Variants in CHEK2 observed in about 807,000 individuals in gnomAD.
The protein encoded by CHEK2 is serine/threonine-protein kinase Chk2.
Under a neutral mutation model 69.1 loss-of-function variants are expected in CHEK2, and 71 were observed. The ratio of observed to expected loss-of-function variants is 1.03; its 90% confidence interval spans 0.85 to 1.25. The LOEUF (loss-of-function observed/expected upper bound fraction) is 1.25. Among genes scored for constraint, CHEK2 ranks in the 50% most tolerant of loss-of-function variants. CHEK2 has a pLI of 0.00. For synonymous variants in CHEK2, 189 were observed against 226.9 expected (o/e 0.83, Z 1.50); for missense variants, 664 against 649.6 (o/e 1.02, Z -0.24).
chr22:28,703,682 C>A, intron 7 of CHEK2, 116 bp from the exon 8 acceptor site: 1 of 701,228 alleles, frequency 1.4e-6, no homozygotes, highest in East Asian at 2.7e-5. Context: ...CATCTGGCCC[C>A]CTGCCTCAGA....
intron 4 of CHEK2, 40 bp from the exon 5 acceptor site, chr22:28,719,525 T>C (rs1398943200): frequency 1.7e-6 from 2 of 1,182,228 alleles, no homozygotes; most frequent in Non-Finnish European, 2.5e-6. Context: ...CATTAATTTA[T>C]TCACAAGAGG....
chr22:28,705,309 C>A (rs912922027), intron 7 of CHEK2, among the ~76,000 whole-genome samples: 4 of 151,622 alleles, frequency 2.6e-5, no homozygotes, highest in Admixed American at 1.3e-4. Flanking sequence ...GAACTCCTGA[C>A]CTCGTGATCC....
rs755305843 is a variant in CHEK2, at chr22:28,730,457, T to C, written c.319+3946A>G. ...CTGGCCGGGGATGGTGCCTCACACC[T>C]CTTATCCCAGCACTTTGGGAGGCTG... On this transcript the variant is annotated intron_variant, in intron 2 of 14. Transcript: ENST00000404276. The C allele has an allele frequency of 2.0e-5, 14 of 697,410 alleles. No individual in the cohort carries two copies. The South Asian group carries it at 2.1e-4, about 10-fold the overall frequency. The allele number at this position is 697,410 out of a possible 1,614,324, so 43.2% of individuals were successfully genotyped here. A position where few individuals can be genotyped will look rare whatever the true frequency, so the allele number is the denominator to read the frequency against.
At chr22:28,700,990 T>C (rs1302973594) in intron 8 of CHEK2, among the ~76,000 whole-genome samples, 1 of 152,050 alleles carries the variant, frequency 6.6e-6, no homozygotes, top group Non-Finnish European at 1.5e-5. Flanking sequence ...GGTTTCTCCA[T>C]GTTGGTCAGG....
intron 13 of CHEK2, among the ~76,000 whole-genome samples, chr22:28,689,713 C>G (rs954960012): frequency 6.6e-6 from 1 of 152,168 alleles, no homozygotes; most frequent in Non-Finnish European, 1.5e-5. Flanking sequence ...TACTTAAGCC[C>G]ACAGTATCCC....
chr22:28,725,976 G>A (rs1300549121), intron 2 of CHEK2, among the ~76,000 whole-genome samples: 1 of 151,156 alleles, frequency 6.6e-6, no homozygotes, highest in East Asian at 1.9e-4. Context: ...AGGCTGAGAC[G>A]AATGGATCAC....
chr22:28,693,588 A>G (rs568742442), intron 13 of CHEK2, among the ~76,000 whole-genome samples: 45 of 152,342 alleles, frequency 3.0e-4, no homozygotes, highest in Admixed American at 2.4e-3. Context: ...GACTCGGGGC[A>G]GCCAAGTGGA....
At chr22:28,700,611 C>T (rs535188639) in intron 8 of CHEK2, among the ~76,000 whole-genome samples, 14 of 152,130 alleles carry the variant, frequency 9.2e-5, no homozygotes, top group South Asian at 2.1e-4. Flanking sequence ...GATCTGAACC[C>T]TAACTCTACC....
intron 13 of CHEK2, 104 bp from the exon 14 acceptor site, chr22:28,689,319 G>A (rs905509335): frequency 2.2e-5 from 19 of 859,326 alleles, no homozygotes; most frequent in Non-Finnish European, 3.5e-5. Flanking sequence ...AAAAATGTCC[G>A]TCCAAGAATC....
chr22:28,725,823 C>T (rs1254640025), intron 2 of CHEK2, among the ~76,000 whole-genome samples: 2 of 151,568 alleles, frequency 1.3e-5, no homozygotes, highest in African/African-American at 4.8e-5. Flanking sequence ...GTGGGAGGAT[C>T]GCTTGAGCCC....
intron 8 of CHEK2, 23 bp from the exon 9 acceptor site, chr22:28,699,960 G>T: frequency 6.4e-7 from 1 of 1,563,868 alleles, no homozygotes; most frequent in Non-Finnish European, 8.8e-7. Flanking sequence ...GGCAAGGCAA[G>T]GGGTTCATTC....
intron 9 of CHEK2, among the ~76,000 whole-genome samples, chr22:28,699,362 CTTTTTT>C (rs67508991): frequency 1.9e-4 from 15 of 78,044 alleles, no homozygotes; most frequent in East Asian, 4.4e-4. Context: ...AGAGCTTTTT[CTTTTTT>C]TTTTTTTTTT....
At position 28,712,010 on chromosome 22, in the gene CHEK2, A is replaced by G. The variant is rs2053418354; in HGVS notation, c.691T>C (p.Cys231Arg). The G allele has an allele frequency of 6.2e-7, 1 of 1,611,714 alleles. No individual in the cohort carries two copies. The change falls in exon 6 of 15, where the codon TGT (cysteine) becomes CGT (arginine). Residue 231 changes from cysteine (C) to arginine (R), a missense_variant. Transcript: ENST00000404276. ...TCGAAAGCCAGCTTTACCTCTCCAC[A>G]GGCACCACTAGAGGGAAAAACAAAG... Reference protein sequence around the residue: ...IMSKTLGSGACGEVKLAFERK... With the variant: ...IMSKTLGSGARGEVKLAFERK...
rs1168174135 is a variant in CHEK2, at chr22:28,691,857, C to T, written c.1461+2175G>A. 2.0e-5 allele frequency among the ~76,000 whole-genome samples: 3 copies of T among 152,340 alleles called. No individual in the cohort carries two copies. The East Asian group carries it at 5.8e-4, about 29-fold the overall frequency. The stretch of plus-strand genomic sequence containing the variant: ...CAAAACAGAGACCAGAATCCACATT[C>T]CCAACACTCAGTTCAGCGACAGACC... On this transcript the variant is annotated intron_variant, in intron 13 of 14. Coordinates refer to ENST00000404276, the MANE Select transcript of CHEK2 (RefSeq NM_007194.4).
rs2053011655 is a variant in CHEK2, at chr22:28,704,138, A to ACACACACACACACACACACC, written c.847-573_847-572insGGTGTGTGTGTGTGTGTGTG. 3.3e-5 allele frequency among the ~76,000 whole-genome samples: 5 copies of ACACACACACACACACACACC among 151,414 alleles called. No individual in the cohort carries two copies. In the South Asian group the frequency reaches 1.0e-3, roughly 32 times the overall value. On this transcript the variant is annotated intron_variant, in intron 7 of 14. Coordinates refer to ENST00000404276, the MANE Select transcript of CHEK2 (RefSeq NM_007194.4). ...GACAGACAGACACACACACACACACACACACACACACACACACACACACAC... is the reference window on the plus strand; with the variant it reads ...GACAGACAGACACACACACACACACACACACACACACACACACACCCACACACACACACACACACACACAC...
intron 2 of CHEK2, among the ~76,000 whole-genome samples, chr22:28,732,118 C>CA: frequency 6.8e-6 from 1 of 146,216 alleles, no homozygotes; most frequent in African/African-American, 2.5e-5. Context: ...ATTTTTTTTT[C>CA]TTTTTTTTTT....
chr22:28,707,338 T>G (rs2053190199), intron 7 of CHEK2, among the ~76,000 whole-genome samples: 2 of 152,208 alleles, frequency 1.3e-5, no homozygotes, highest in African/African-American at 4.8e-5. Flanking sequence ...CCTTGTGACA[T>G]AAGTATTCTT....
chr22:28,722,269 G>A (rs922497109), intron 4 of CHEK2, among the ~76,000 whole-genome samples: 2 of 151,304 alleles, frequency 1.3e-5, no homozygotes, highest in African/African-American at 4.8e-5. Context: ...CGCCGGGCGC[G>A]GTGGCTCACG....
intron 8 of CHEK2, among the ~76,000 whole-genome samples, chr22:28,701,025 G>GT (rs1330491721): frequency 1.3e-5 from 2 of 151,974 alleles, no homozygotes; most frequent in African/African-American, 2.4e-5. Flanking sequence ...CTGACCTCAG[G>GT]TGATCTGCTC....
Sources: gnomAD v4.1 joint callset for allele counts (sites outside exome capture counted in the v4.1 genomes callset) on GRCh38, gnomAD v4.1.1 for gene constraint, MANE v1.5 for transcripts, NCBI Gene and HGNC (gene_info 2026-07-23, HGNC 2026-07-21) for gene names.